PACRG: variants seen among roughly 807,000 people sequenced by gnomAD.
PACRG encodes parkin coregulated gene protein.
A neutral mutation model predicts 29.7 loss-of-function variants in PACRG; 29 were observed. That is an observed-to-expected ratio of 0.98 (90% CI 0.73 to 1.33). The LOEUF is 1.33. Ranked by LOEUF, PACRG falls within the 40% of genes most tolerant of loss-of-function variation. The pLI, the probability that PACRG is intolerant of heterozygous loss-of-function variation, is 0.00. For synonymous variants in PACRG, 116 were observed against 118.7 expected (o/e 0.98, Z 0.15); for missense variants, 279 against 316.2 (o/e 0.88, Z 0.89).
chr6:162,811,776 C>T (rs889819177), intron 1 of PACRG, among the ~76,000 whole-genome samples: 4 of 152,098 alleles, frequency 2.6e-5, no homozygotes, highest in Non-Finnish European at 4.4e-5. Flanking sequence ...CATTAAACAG[C>T]AATGAACTGT....
At chr6:163,163,714 A>G (rs868771581) in intron 4 of PACRG, among the ~76,000 whole-genome samples, 42 of 152,208 alleles carry the variant, frequency 2.8e-4, no homozygotes, top group Middle Eastern at 6.8e-3. Flanking sequence ...TGAGTCATTC[A>G]AAAAGTGTTC....
At chr6:162,976,182 C>G (rs892508198) in intron 2 of PACRG, among the ~76,000 whole-genome samples, 1 of 152,096 alleles carries the variant, frequency 6.6e-6, no homozygotes, top group Non-Finnish European at 1.5e-5. Context: ...ATGTTTGGCT[C>G]CAGAATAACA....
intron 2 of PACRG, among the ~76,000 whole-genome samples, chr6:162,990,426 C>T (rs995866129): frequency 6.7e-6 from 1 of 150,062 alleles, no homozygotes; most frequent in African/African-American, 2.5e-5. Context: ...TAATGATTGC[C>T]ATTCTAACTG....
intron 1 of PACRG, among the ~76,000 whole-genome samples, chr6:162,808,100 G>A (rs1786518477): frequency 6.6e-6 from 1 of 152,132 alleles, no homozygotes; most frequent in African/African-American, 2.4e-5. Context: ...GTGACCTTGA[G>A]TATTGTAAAA....
chr6:163,100,290 G>T (rs989075993), intron 4 of PACRG, among the ~76,000 whole-genome samples: 1 of 152,026 alleles, frequency 6.6e-6, no homozygotes, highest in African/African-American at 2.4e-5. Context: ...GCCCCCACCC[G>T]TGCACGCTCA....
At chr6:163,003,874 G>A (rs1210340493) in intron 2 of PACRG, among the ~76,000 whole-genome samples, 3 of 152,140 alleles carry the variant, frequency 2.0e-5, no homozygotes. Context: ...AGCTTACAAT[G>A]ATTAAGTAAT....
chr6:162,927,830 C>CAAAA (rs1051156222), intron 2 of PACRG, among the ~76,000 whole-genome samples: 9 of 151,770 alleles, frequency 5.9e-5, no homozygotes, highest in Admixed American at 1.3e-4. Context: ...AACAAACAAA[C>CAAAA]AAAAAAATGA....
intron 2 of PACRG, among the ~76,000 whole-genome samples, chr6:163,040,441 G>C (rs1179152827): frequency 6.6e-6 from 1 of 152,228 alleles, no homozygotes; most frequent in East Asian, 1.9e-4. Context: ...ACTGCCTAGT[G>C]GAGTTGTCAG....
Position 162,771,477 on chromosome 6 carries a change from C to T in PACRG, c.157-42670C>T, listed in dbSNP as rs554970377. The stretch of plus-strand genomic sequence containing the variant: ...GTTCTGAGTGCTGTGATTATCAAGA[C>T]GATAGAAGTGGAAGGCGGGAGTGGA... On this transcript the variant is annotated intron_variant, in intron 1 of 4. Transcript: ENST00000366888. Among the ~76,000 whole-genome samples, 15 of 152,116 alleles carry T rather than the reference C, an allele frequency of 9.9e-5. No homozygotes were observed. The South Asian group carries it at 1.5e-3, about 15-fold the overall frequency.
At chr6:162,870,402 C>A (rs549400298) in intron 2 of PACRG, among the ~76,000 whole-genome samples, 9 of 152,300 alleles carry the variant, frequency 5.9e-5, no homozygotes, top group South Asian at 2.1e-4. Flanking sequence ...TTTCTTGCTA[C>A]CACACGTACA....
chr6:163,216,619 A>G (rs1255329346), intron 4 of PACRG, among the ~76,000 whole-genome samples: 1 of 152,204 alleles, frequency 6.6e-6, no homozygotes, highest in Non-Finnish European at 1.5e-5. Flanking sequence ...CCAGCCCTCA[A>G]TAAACACCAT....
chr6:163,197,434 CT>C (rs57942658), intron 4 of PACRG, among the ~76,000 whole-genome samples: 1,941 of 106,214 alleles, frequency 0.018, 1 homozygote, highest in South Asian at 0.024. Flanking sequence ...CTTTTCTTTT[CT>C]TTTTTTTTTT....
intron 4 of PACRG, among the ~76,000 whole-genome samples, chr6:163,227,565 T>C (rs760016886): frequency 6.6e-6 from 1 of 152,172 alleles, no homozygotes; most frequent in Non-Finnish European, 1.5e-5. Context: ...GGGTGTGCCG[T>C]CCTTCATGAA....
chr6:162,781,629 GA>G (rs558881540), intron 1 of PACRG, among the ~76,000 whole-genome samples: 4 of 149,478 alleles, frequency 2.7e-5, no homozygotes, highest in South Asian at 2.1e-4. Flanking sequence ...AGGCCTGAAG[GA>G]AAAAAAAAGT....
At chr6:162,775,673 G>A (rs74472493) in intron 1 of PACRG, among the ~76,000 whole-genome samples, 2,197 of 152,232 alleles carry the variant, frequency 0.014, 59 homozygotes, top group African/African-American at 0.051. Context: ...GTTTTCTAGT[G>A]TCTATCATGG....
Position 162,863,574 on chromosome 6 carries a change from G to C in PACRG, c.291+49293G>C, listed in dbSNP as rs181452493. ...AGGCTGGGTACCACTGAGCAGTGGAGTAACCCAAGTTTAAACTTGAAACCA... is the reference window on the plus strand; with the variant it reads ...AGGCTGGGTACCACTGAGCAGTGGACTAACCCAAGTTTAAACTTGAAACCA... On this transcript the variant is annotated intron_variant, in intron 2 of 4. Transcript: ENST00000366888. Among the ~76,000 whole-genome samples the C allele has an allele frequency of 1.3e-3, 197 of 152,354 alleles. 1 individual carries two copies. Among genetic ancestry groups the C allele is most frequent in the African/African-American group, 4.6e-3 (192 of 41,586 alleles).
chr6:163,164,606 C>T (rs551696722), intron 4 of PACRG, among the ~76,000 whole-genome samples: 59 of 152,326 alleles, frequency 3.9e-4, no homozygotes, highest in African/African-American at 1.4e-3. Flanking sequence ...CCTCCAGGAA[C>T]GATGCGGGCT....
chr6:163,166,793 TTATTACTATATAGTG>T (rs998256974), intron 4 of PACRG, among the ~76,000 whole-genome samples: 5 of 152,240 alleles, frequency 3.3e-5, no homozygotes, highest in African/African-American at 1.2e-4. Context: ...CATAGTCTAC[TTATTACTATATAGTG>T]TCTGGCTGAA....
intron 2 of PACRG, among the ~76,000 whole-genome samples, chr6:163,048,247 C>T (rs995606658): frequency 2.6e-5 from 4 of 152,186 alleles, no homozygotes; most frequent in Admixed American, 1.3e-4. Context: ...TTCTTCTTAT[C>T]TCCTTTCTAA....
Sources: gnomAD v4.1 joint callset for allele counts (sites outside exome capture counted in the v4.1 genomes callset) on GRCh38, gnomAD v4.1.1 for gene constraint, MANE v1.5 for transcripts, NCBI Gene and HGNC (gene_info 2026-07-23, HGNC 2026-07-21) for gene names.